ZSWIM7: variants seen among roughly 807,000 people sequenced by gnomAD.
The protein encoded by ZSWIM7 is zinc finger SWIM-type containing 7, also known as zinc finger SWIM domain-containing protein 7.
ZSWIM7 carries 22 observed loss-of-function variants against 21.1 expected under a neutral mutation model. That is an observed-to-expected ratio of 1.04 (90% CI 0.74 to 1.49). ZSWIM7 has a LOEUF of 1.49. Ranked by LOEUF, ZSWIM7 falls within the 40% of genes most tolerant of loss-of-function variation. The pLI, the probability that ZSWIM7 is intolerant of heterozygous loss-of-function variation, is 0.00. For synonymous variants in ZSWIM7, 67 were observed against 66.5 expected (o/e 1.01, Z -0.04); for missense variants, 193 against 168.0 (o/e 1.15, Z -0.82).
intron 3 of ZSWIM7, among the ~76,000 whole-genome samples, chr17:15,981,877 C>T (rs1268854272): frequency 6.6e-6 from 1 of 152,196 alleles, no homozygotes; most frequent in Non-Finnish European, 1.5e-5. Context: ...GACTGCACCA[C>T]TGCACTGCAG....
intron 3 of ZSWIM7, among the ~76,000 whole-genome samples, chr17:15,983,338 C>G (rs992990385): frequency 2.5e-4 from 23 of 91,840 alleles, no homozygotes; most frequent in Non-Finnish European, 3.8e-4. Context: ...GGGCAAGACT[C>G]TGTCTCAAAA....
intron 2 of ZSWIM7, among the ~76,000 whole-genome samples, chr17:15,987,851 C>T (rs1268115156): frequency 2.0e-5 from 3 of 152,104 alleles, no homozygotes; most frequent in Non-Finnish European, 4.4e-5. Context: ...CTCAGGTGAT[C>T]CACCTGCCTC....
intron 3 of ZSWIM7, among the ~76,000 whole-genome samples, chr17:15,982,879 C>T (rs1182575047): frequency 1.3e-5 from 2 of 152,000 alleles, no homozygotes; most frequent in East Asian, 3.9e-4. Flanking sequence ...TCTTTAACTG[C>T]TGGGCTTAAG....
chr17:15,998,090 ACT>A (rs1239418690), intron 1 of ZSWIM7, among the ~76,000 whole-genome samples: 2 of 150,350 alleles, frequency 1.3e-5, no homozygotes, highest in Admixed American at 1.3e-4. Flanking sequence ...ACAGAGCAAG[ACT>A]CTGTCTAAAA....
intron 3 of ZSWIM7, among the ~76,000 whole-genome samples, chr17:15,982,196 A>G (rs938155349): frequency 6.6e-6 from 1 of 152,132 alleles, no homozygotes; most frequent in Non-Finnish European, 1.5e-5. Flanking sequence ...GAAACAAGAC[A>G]CATCTGTAGT....
intron 3 of ZSWIM7, among the ~76,000 whole-genome samples, chr17:15,982,693 C>T (rs1489031584): frequency 1.3e-5 from 2 of 152,118 alleles, no homozygotes; most frequent in African/African-American, 2.4e-5. Flanking sequence ...GTTCTGTCAT[C>T]CAGGCTGGAG....
At chr17:15,993,913 C>T in intron 1 of ZSWIM7, 135 bp from the exon 2 acceptor site, 1 of 614,204 alleles carries the variant, frequency 1.6e-6, no homozygotes, top group East Asian at 2.9e-5. Flanking sequence ...TGGTTTTACT[C>T]CTTCCCCAAA....
intron 4 of ZSWIM7, among the ~76,000 whole-genome samples, chr17:15,979,086 T>TA (rs1469580547): frequency 6.6e-6 from 1 of 150,808 alleles, no homozygotes; most frequent in Non-Finnish European, 1.5e-5. Context: ...GGTCAGCAGA[T>TA]AAACAAGTGA....
chr17:15,991,582 CT>C (rs1324259719), intron 2 of ZSWIM7, among the ~76,000 whole-genome samples: 2 of 152,114 alleles, frequency 1.3e-5, no homozygotes, highest in African/African-American at 4.8e-5. Context: ...TAAGATTTGT[CT>C]TTTTCCTCCC....
rs1313488773 is a variant in ZSWIM7, at chr17:15,987,296, G to A, written c.171C>T (p.Ile57=). Reference sequence around the variant, plus strand: ...AAACACGCCTTCCACTGGGTGATGAGATTAAGGTGATGGACTGTCGATCAA... The same window carrying A: ...AAACACGCCTTCCACTGGGTGATGAAATTAAGGTGATGGACTGTCGATCAA... ...DLVDRQSITL[I]SSPSGRRVYQ... The change falls in exon 3 of 5, where the codon ATC becomes ATT. Residue 57 remains isoleucine (I), a synonymous_variant. Transcript: ENST00000399277. 1 of 1,613,594 alleles carries A rather than the reference G, an allele frequency of 6.2e-7. No homozygotes were observed. The highest frequency in any genetic ancestry group is 2.2e-5 in the East Asian group (1 of 44,886).
In ZSWIM7 at chr17:15,978,768, G is replaced by A. The variant is rs559965443; in HGVS notation, c.307-605C>T. On this transcript the variant is annotated intron_variant, in intron 4 of 4. Transcript: ENST00000399277. ...AACCCAGACTACCTGCACTCCTCACGTTAGTCCTAAGTTATATTTCTTCCT... is the reference window on the plus strand; with the variant it reads ...AACCCAGACTACCTGCACTCCTCACATTAGTCCTAAGTTATATTTCTTCCT... Among the ~76,000 whole-genome samples the A allele has an allele frequency of 5.9e-5, 9 of 152,176 alleles. No homozygotes were observed. In the South Asian group the frequency reaches 1.7e-3, roughly 28 times the overall value.
At chr17:15,991,905 T>G (rs1255212989) in intron 2 of ZSWIM7, among the ~76,000 whole-genome samples, 10 of 94,684 alleles carry the variant, frequency 1.1e-4, no homozygotes, top group African/African-American at 4.1e-4. Context: ...ACAGGTTTTG[T>G]TTTTTTTTGT....
chr17:15,988,577 G>A (rs1970443687), intron 2 of ZSWIM7, among the ~76,000 whole-genome samples: 1 of 151,974 alleles, frequency 6.6e-6, no homozygotes, highest in Non-Finnish European at 1.5e-5. Flanking sequence ...CATTTTGGAA[G>A]GCTGAGGCAA....
chr17:15,998,777 G>A (rs1329294874), intron 1 of ZSWIM7, among the ~76,000 whole-genome samples: 1 of 140,740 alleles, frequency 7.1e-6, no homozygotes, highest in Non-Finnish European at 1.6e-5. Flanking sequence ...TTTTTGAGAT[G>A]GAATTTCGCT....
chr17:15,997,332 T>G (rs1567573106), intron 1 of ZSWIM7, among the ~76,000 whole-genome samples: 1 of 152,160 alleles, frequency 6.6e-6, no homozygotes, highest in Non-Finnish European at 1.5e-5. Context: ...TAGAGATGTC[T>G]TCAGGAAGGT....
chr17:15,984,600 C>T (rs903166235), intron 3 of ZSWIM7, among the ~76,000 whole-genome samples: 2 of 152,138 alleles, frequency 1.3e-5, no homozygotes, highest in East Asian at 1.9e-4. Context: ...ATTTTATGAC[C>T]GCTCCAAGCC....
intron 1 of ZSWIM7, among the ~76,000 whole-genome samples, chr17:15,998,113 A>C (rs1426751264): frequency 6.6e-6 from 1 of 151,938 alleles, no homozygotes; most frequent in African/African-American, 2.4e-5. Flanking sequence ...AAAAAAAACA[A>C]ACCAACCCAA....
intron 2 of ZSWIM7, among the ~76,000 whole-genome samples, chr17:15,992,246 G>A (rs933208557): frequency 6.6e-6 from 1 of 151,946 alleles, no homozygotes; most frequent in Non-Finnish European, 1.5e-5. Context: ...AAATGTAAGT[G>A]TGTATCAGTA....
chr17:15,981,967 A>C (rs1365693881), intron 3 of ZSWIM7, among the ~76,000 whole-genome samples: 1 of 152,184 alleles, frequency 6.6e-6, no homozygotes, highest in Non-Finnish European at 1.5e-5. Context: ...GAGGCTTTTG[A>C]AAAGCATTTG....
Sources: gnomAD v4.1 joint callset for allele counts (sites outside exome capture counted in the v4.1 genomes callset) on GRCh38, gnomAD v4.1.1 for gene constraint, MANE v1.5 for transcripts, NCBI Gene and HGNC (gene_info 2026-07-23, HGNC 2026-07-21) for gene names.